Variants in DNAH10 observed in about 807,000 individuals in gnomAD.
DNAH10 encodes axonemal beta dynein heavy chain 10.
DNAH10 carries 348 observed loss-of-function variants against 506.6 expected under a neutral mutation model. The ratio of observed to expected loss-of-function variants is 0.69; its 90% CI spans 0.63 to 0.75. DNAH10 has a LOEUF of 0.75. Among genes scored for constraint, DNAH10 ranks in the 30% least tolerant of loss-of-function variants. The pLI is 0.00. For missense variants in DNAH10, 5,179 were observed against 5,787.1 expected, an observed-to-expected ratio of 0.89 and a Z score of 3.41; for synonymous variants, 2,059 against 2,198.6, an observed-to-expected ratio of 0.94 and a Z score of 1.78.
chr12:123,859,691 G>A (rs1055900404), intron 38 of DNAH10, among the ~76,000 whole-genome samples: 4 of 152,074 alleles, frequency 2.6e-5, no homozygotes, highest in African/African-American at 9.7e-5. Context: ...CTAGCCCTTC[G>A]GGGGCAATTC....
chr12:123,772,800 C>A, intron 3 of DNAH10, 34 bp from the exon 4 acceptor site: 1 of 1,508,762 alleles, frequency 6.6e-7, no homozygotes, highest in South Asian at 1.2e-5. Context: ...GGATGTATCA[C>A]AAGAATGAAT....
chr12:123,871,239 G>A (rs1004552351), intron 44 of DNAH10, among the ~76,000 whole-genome samples: 9 of 152,194 alleles, frequency 5.9e-5, no homozygotes, highest in Non-Finnish European at 8.8e-5. Context: ...CGGCTTGGGC[G>A]TTCTAACCCT....
At position 123,916,336 on chromosome 12, in the gene DNAH10, C is replaced by T. The variant is rs1954476890; in HGVS notation, c.10723-121C>T. ...ACCCCTTGCTTCTCTCTTCTTTTCACCTCTGGCCCCCTCCAAGTTCCTGGC... is the reference window on the plus strand; with the variant it reads ...ACCCCTTGCTTCTCTCTTCTTTTCATCTCTGGCCCCCTCCAAGTTCCTGGC... On this transcript the variant is annotated intron_variant, in intron 62 of 78. Transcript: ENST00000673944. This position sits in a 1 kb window ranked among gnomAD's most constrained non-coding sequence, Gnocchi z 4.6. 2.3e-6 allele frequency: 3 copies of T among 1,305,134 alleles called. No individual in the cohort carries two copies. The South Asian group carries it at 4.3e-5, about 19-fold the overall frequency. The allele number at this position is 1,305,134 out of a possible 1,614,324, so 80.8% of individuals were successfully genotyped here.
chr12:123,905,434 T>C (rs1474045052), intron 57 of DNAH10, among the ~76,000 whole-genome samples: 1 of 152,228 alleles, frequency 6.6e-6, no homozygotes, highest in Non-Finnish European at 1.5e-5. Context: ...ATAGTGTTCA[T>C]AGCTGTTGCC....
At chr12:123,832,533 G>A (rs886681583) in intron 26 of DNAH10, among the ~76,000 whole-genome samples, 1 of 150,848 alleles carries the variant, frequency 6.6e-6, no homozygotes, top group African/African-American at 2.4e-5. Flanking sequence ...TTTTGAGACA[G>A]GGTCTCCCTA....
In DNAH10 at chr12:123,881,745, C is replaced by T; in HGVS notation, c.8755C>T (p.Leu2919=). 1 of 1,547,122 alleles carries T rather than the reference C, an allele frequency of 6.5e-7. No individual in the cohort carries two copies. The highest frequency in any genetic ancestry group is 2.0e-5 in the Admixed American group (1 of 49,782). Residue 2919 remains leucine (L), a synonymous_variant, in exon 51 of 79, where the codon CTG becomes TTG. Coordinates refer to ENST00000673944, the MANE Select transcript of DNAH10 (RefSeq NM_001372106.1). ...IIRMDRGHAL[L]VGVGGSGKQS... is the part of the protein sequence containing the mutation. ...CCGCATGGACCGCGGCCACGCCCTG[C>T]TGGTCGGGGTAGGGGGCTCAGGGAA...
intron 50 of DNAH10, 42 bp downstream of exon 50, chr12:123,879,843 T>C (rs752122356): frequency 2.5e-6 from 4 of 1,600,164 alleles, no homozygotes; most frequent in Admixed American, 1.7e-5. Flanking sequence ...CACTTTCTCC[T>C]GAGCATGGGC....
In DNAH10 at chr12:123,919,117, C is replaced by A; in HGVS notation, c.11506+168C>A. ...TTGAGATAGGGTCTTGCTCCATCAC[C>A]CAGGCTGGAATGCAGTGGTGCGATC... On this transcript the variant is annotated intron_variant, in intron 65 of 78. Coordinates refer to ENST00000673944, the MANE Select transcript of DNAH10 (RefSeq NM_001372106.1). The surrounding 1 kb of genome is among the most constrained non-coding windows in gnomAD (Gnocchi z 4.9). 1.1e-6 allele frequency: 1 copy of A among 886,796 alleles called. No individual in the cohort carries two copies. 54.9% of individuals were successfully genotyped at this position (886,796 alleles called of 1,614,324 possible).
In DNAH10 at chr12:123,894,591, C is replaced by T. The variant is rs190334480; in HGVS notation, c.9200-52C>T. ...TGTATTTTTTGTAGAGACAGGGTCTCGCCACATTGCCCAGGCTGGGAGCAT... is the reference window on the plus strand; with the variant it reads ...TGTATTTTTTGTAGAGACAGGGTCTTGCCACATTGCCCAGGCTGGGAGCAT... On this transcript the variant is annotated intron_variant, in intron 53 of 78. Transcript: ENST00000673944. 1.7e-4 allele frequency: 259 copies of T among 1,543,554 alleles called. No individual in the cohort carries two copies. In the East Asian group the frequency reaches 4.4e-3, roughly 26 times the overall value.
chr12:123,853,133 A>G lies in DNAH10; in HGVS notation c.6292-73A>G, dbSNP rs1951239854. The stretch of plus-strand genomic sequence containing the variant: ...CCTGCCCCCGTTTTCTTGCATTTGT[A>G]GAATGATGCTCCATTGCTTTTGAAT... On this transcript the variant is annotated intron_variant, in intron 35 of 78. Transcript: ENST00000673944. This position sits in a 1 kb window ranked among gnomAD's most constrained non-coding sequence, Gnocchi z 4.7. The G allele has an allele frequency of 5.0e-6, 7 of 1,401,346 alleles. No homozygotes were observed. The Admixed American group carries it at 1.8e-4, about 37-fold the overall frequency. The allele number at this position is 1,401,346 out of a possible 1,614,324, so 86.8% of individuals were successfully genotyped here. A position where few individuals can be genotyped will look rare whatever the true frequency, so the allele number is the denominator to read the frequency against.
rs1328855813 is a variant in DNAH10, at chr12:123,859,187, CCCG to C, written c.6671_6673del (p.Arg2224del). On this transcript the variant is annotated inframe_deletion, in exon 38 of 79. Coordinates refer to ENST00000673944, the MANE Select transcript of DNAH10 (RefSeq NM_001372106.1). The stretch of plus-strand genomic sequence containing the variant: ...GTTCAAATGTTCGAGACCATGTTAA[CCCG>C]CCACACGACGATGGTGGTGGGGCCC... 3.0e-5 allele frequency: 49 copies of C among 1,612,000 alleles called. No individual in the cohort carries two copies. In the Admixed American group the frequency reaches 8.2e-4, roughly 27 times the overall value.
At chr12:123,889,120 T>A (rs1438158738) in intron 52 of DNAH10, among the ~76,000 whole-genome samples, 1 of 152,216 alleles carries the variant, frequency 6.6e-6, no homozygotes, top group Non-Finnish European at 1.5e-5. Flanking sequence ...CTTGCTGCAC[T>A]TGCTCTGCCA....
At position 123,785,387 on chromosome 12, in the gene DNAH10, C is replaced by G. The variant is rs967646814; in HGVS notation, c.1231-359C>G. ...GTGAAATGTCTGTTTTAATCTTTTG[C>G]CCGTTATTTATTTGAGTTATTATTA... On this transcript the variant is annotated intron_variant, in intron 8 of 78. Transcript: ENST00000673944. This position sits in a 1 kb window ranked among gnomAD's most constrained non-coding sequence, Gnocchi z 4.1. Among the ~76,000 whole-genome samples the G allele has an allele frequency of 1.3e-5, 2 of 152,020 alleles. No individual in the cohort carries two copies. The highest frequency in any genetic ancestry group is 3.8e-4 in the East Asian group (2 of 5,198).
Position 123,877,715 on chromosome 12 carries a change from G to T in DNAH10, c.8200-21G>T, listed in dbSNP as rs1566033564. On this transcript the variant is annotated intron_variant, in intron 47 of 78. Transcript: ENST00000673944. Reference sequence around the variant, plus strand: ...CTGAAGGACATTTGTGTGTTGGGGGGGGTGTCTTTGCATTTTTCAGACGTT... The same window carrying T: ...CTGAAGGACATTTGTGTGTTGGGGGTGGTGTCTTTGCATTTTTCAGACGTT... The T allele has an allele frequency of 9.4e-6, 15 of 1,604,212 alleles. No individual in the cohort carries two copies. In the Admixed American group the frequency reaches 2.6e-4, roughly 27 times the overall value.
chr12:123,762,614 G>C lies in DNAH10; in HGVS notation c.214+64G>C. ...TCCTGCCCGTCCCGGCCTCTCCGGC[G>C]GGCGCCGGGGCTGCTAGAGCCTGCC... On this transcript the variant is annotated intron_variant, in intron 1 of 78. Coordinates refer to ENST00000673944, the MANE Select transcript of DNAH10 (RefSeq NM_001372106.1). The surrounding 1 kb of genome is among the most constrained non-coding windows in gnomAD (Gnocchi z 5.0). 1 of 1,471,942 alleles carries C rather than the reference G, an allele frequency of 6.8e-7. No individual in the cohort carries two copies. Among genetic ancestry groups the C allele is most frequent in the Non-Finnish European group, 9.1e-7 (1 of 1,103,150 alleles). 91.2% of individuals were successfully genotyped at this position (1,471,942 alleles called of 1,614,324 possible).
chr12:123,824,320 A>G (rs1230387161), intron 24 of DNAH10, among the ~76,000 whole-genome samples: 1 of 152,150 alleles, frequency 6.6e-6, no homozygotes, highest in Non-Finnish European at 1.5e-5. Flanking sequence ...GATGGTGAAC[A>G]TCTGGAATTC....
At chr12:123,815,052 CCAA>C (rs750340694) in intron 21 of DNAH10, among the ~76,000 whole-genome samples, 21 of 150,984 alleles carry the variant, frequency 1.4e-4, no homozygotes, top group African/African-American at 3.7e-4. Context: ...ATGTCAAATT[CCAA>C]CAACAACAAC....
intron 67 of DNAH10, 46 bp downstream of exon 67, chr12:123,924,478 A>G (rs202017887): frequency 1.9e-6 from 3 of 1,597,508 alleles, no homozygotes; most frequent in Non-Finnish European, 2.6e-6. Flanking sequence ...CCACATGTCA[A>G]CAATCTCCAA....
chr12:123,829,487 A>G (rs956605689), intron 25 of DNAH10, among the ~76,000 whole-genome samples: 2 of 152,220 alleles, frequency 1.3e-5, no homozygotes, highest in African/African-American at 4.8e-5. Context: ...CATAGTAGCC[A>G]GTGAAGGTTA....
Sources: gnomAD v4.1 joint callset for allele counts (sites outside exome capture counted in the v4.1 genomes callset) on GRCh38, gnomAD v4.1.1 for gene constraint, Gnocchi (gnomAD v3.1) non-coding constraint, MANE v1.5 for transcripts, NCBI Gene and HGNC (gene_info 2026-07-23, HGNC 2026-07-21) for gene names.